The following MXI1 variants were observed in gnomAD, a reference collection of about 807,000 sequenced individuals.
MXI1 encodes MAX interactor 1, dimerization protein, also known as max-interacting protein 1.
Under a neutral mutation model 36.9 loss-of-function variants are expected in MXI1, and 18 were observed. The ratio of observed to expected loss-of-function variants is 0.49; its 90% CI spans 0.34 to 0.72. MXI1 has a LOEUF of 0.72. MXI1 is among the 30% of genes least tolerant of loss of function. The pLI, the probability that MXI1 is intolerant of heterozygous loss-of-function variation, is 0.01. For missense variants in MXI1, 304 were observed against 379.1 expected (o/e 0.80, Z 1.64); for synonymous variants, 160 against 146.7 (o/e 1.09, Z -0.65).
chr10:110,235,726 A>G (rs1450687266), intron 2 of MXI1, among the ~76,000 whole-genome samples: 2 of 147,030 alleles, frequency 1.4e-5, no homozygotes, highest in African/African-American at 5.1e-5. Flanking sequence ...AATAAGCTCT[A>G]TTGGCCGGGT....
At chr10:110,225,888 A>G in intron 1 of MXI1, 1 of 525,870 alleles carries the variant, frequency 1.9e-6, no homozygotes. Flanking sequence ...GATTCCCGGC[A>G]GCCGCGGGCG....
intron 5 of MXI1, among the ~76,000 whole-genome samples, chr10:110,282,981 TTTTAC>T (rs1476874163): frequency 1.3e-5 from 2 of 152,150 alleles, no homozygotes; most frequent in African/African-American, 2.4e-5. Flanking sequence ...TTGGCCATCA[TTTTAC>T]TTTATTTTGA....
chr10:110,276,709 A>G (rs1432592859), intron 3 of MXI1, among the ~76,000 whole-genome samples: 1 of 152,176 alleles, frequency 6.6e-6, no homozygotes, highest in African/African-American at 2.4e-5. Flanking sequence ...AAAGAGAGAA[A>G]AAATTTTAAT....
intron 1 of MXI1, among the ~76,000 whole-genome samples, chr10:110,209,370 G>A (rs1313240024): frequency 6.6e-6 from 1 of 152,028 alleles, no homozygotes; most frequent in Non-Finnish European, 1.5e-5. Context: ...GAAAGGTCCC[G>A]ATTGCAACGT....
At chr10:110,222,299 G>C (rs966516491) in intron 1 of MXI1, among the ~76,000 whole-genome samples, 4 of 152,172 alleles carry the variant, frequency 2.6e-5, no homozygotes, top group African/African-American at 4.8e-5. Context: ...TAAACACTTT[G>C]CAGTTTCAGG....
chr10:110,256,470 G>A (rs997955899), intron 3 of MXI1, among the ~76,000 whole-genome samples: 1 of 151,774 alleles, frequency 6.6e-6, no homozygotes, highest in African/African-American at 2.4e-5. Flanking sequence ...GGGCATGGTG[G>A]TGCATGCCTG....
chr10:110,234,887 T>C (rs563205292), intron 2 of MXI1, among the ~76,000 whole-genome samples: 1 of 152,334 alleles, frequency 6.6e-6, no homozygotes, highest in Admixed American at 6.5e-5. Flanking sequence ...AATATTTAAC[T>C]TTAGAATGTA....
chr10:110,278,957 T>C (rs1320131056), intron 3 of MXI1, among the ~76,000 whole-genome samples: 2 of 152,130 alleles, frequency 1.3e-5, no homozygotes, highest in African/African-American at 4.8e-5. Flanking sequence ...GAGATTACCA[T>C]TGGGGATAAT....
intron 3 of MXI1, among the ~76,000 whole-genome samples, chr10:110,251,719 C>T (rs1856096841): frequency 6.6e-6 from 1 of 151,980 alleles, no homozygotes. Flanking sequence ...AGAATGTATA[C>T]TGAGCCGTGA....
chr10:110,275,362 G>A (rs1288013699), intron 3 of MXI1, among the ~76,000 whole-genome samples: 1 of 152,164 alleles, frequency 6.6e-6, no homozygotes, highest in Non-Finnish European at 1.5e-5. Flanking sequence ...TGCCTTTCTA[G>A]GTCACTGGTG....
intron 2 of MXI1, among the ~76,000 whole-genome samples, chr10:110,231,773 A>ATTT (rs1564710580): frequency 6.6e-6 from 1 of 152,192 alleles, no homozygotes; most frequent in Non-Finnish European, 1.5e-5. Context: ...TTGGTACCAC[A>ATTT]GGTGAAAAAT....
At chr10:110,216,452 G>C (rs926819009) in intron 1 of MXI1, among the ~76,000 whole-genome samples, 2 of 152,078 alleles carry the variant, frequency 1.3e-5, no homozygotes, top group African/African-American at 4.8e-5. Flanking sequence ...AGGTTTTAGA[G>C]GTAGAGTTCC....
chr10:110,275,060 A>G (rs1045883776), intron 3 of MXI1, among the ~76,000 whole-genome samples: 1 of 151,806 alleles, frequency 6.6e-6, no homozygotes, highest in Non-Finnish European at 1.5e-5. Context: ...TTTTTAGTAG[A>G]CACAGGGTTT....
chr10:110,284,590 G>A (rs1177471581), intron 5 of MXI1, among the ~76,000 whole-genome samples: 1 of 152,172 alleles, frequency 6.6e-6, no homozygotes, highest in African/African-American at 2.4e-5. Context: ...ACGGACTGGC[G>A]TCAAAGGATT....
chr10:110,268,760 GA>G (rs953391040), intron 3 of MXI1, among the ~76,000 whole-genome samples: 57 of 141,142 alleles, frequency 4.0e-4, no homozygotes, highest in African/African-American at 6.0e-4. Context: ...TTGTGGTCAG[GA>G]AAAAAAAAAA....
chr10:110,268,722 C>G (rs1340083970), intron 3 of MXI1, among the ~76,000 whole-genome samples: 1 of 151,388 alleles, frequency 6.6e-6, no homozygotes, highest in African/African-American at 2.4e-5. Context: ...AAAAGTTACT[C>G]TCAAAAACTA....
intron 1 of MXI1, among the ~76,000 whole-genome samples, chr10:110,218,266 C>T (rs932094068): frequency 3.9e-5 from 6 of 151,946 alleles, no homozygotes; most frequent in East Asian, 1.9e-4. Context: ...CTGGCTAACA[C>T]GCTGAAATCC....
intron 3 of MXI1, among the ~76,000 whole-genome samples, chr10:110,260,405 T>G (rs1856465984): frequency 1.4e-5 from 2 of 145,516 alleles, no homozygotes; most frequent in South Asian, 2.2e-4. Flanking sequence ...TGAAGCATTT[T>G]CCTTGATACA....
Position 110,285,065 on chromosome 10 carries a change from C to A in MXI1, c.*78C>A. Reference sequence around the variant, plus strand: ...TACAAACAATCTCTTAAATTGGGTTCATGATGCAGTCTCCTCTTTAAAACA... The same window carrying A: ...TACAAACAATCTCTTAAATTGGGTTAATGATGCAGTCTCCTCTTTAAAACA... On this transcript the variant is annotated 3_prime_UTR_variant, in exon 6 of 6. Coordinates refer to ENST00000332674, the MANE Select transcript of MXI1 (RefSeq NM_130439.3). 7.3e-7 allele frequency: 1 copy of A among 1,367,502 alleles called. No homozygotes were observed. The highest frequency in any genetic ancestry group is 9.9e-7 in the Non-Finnish European group (1 of 1,011,524). The allele number at this position is 1,367,502 out of a possible 1,614,324, so 84.7% of individuals were successfully genotyped here.
Sources: gnomAD v4.1 joint callset for allele counts (sites outside exome capture counted in the v4.1 genomes callset) on GRCh38, gnomAD v4.1.1 for gene constraint, MANE v1.5 for transcripts, NCBI Gene and HGNC (gene_info 2026-07-23, HGNC 2026-07-21) for gene names.